GRM7: variants seen among roughly 807,000 people sequenced by gnomAD.
GRM7 encodes the protein metabotropic glutamate receptor 7.
GRM7 carries 35 observed loss-of-function variants against 84.5 expected under a neutral mutation model. That is an observed-to-expected ratio of 0.41 (90% CI 0.32 to 0.55). The LOEUF (loss-of-function observed/expected upper bound fraction) is 0.55. Ranked by LOEUF, GRM7 falls within the 20% of genes least tolerant of loss-of-function variation. The pLI, the probability that GRM7 is intolerant of heterozygous loss-of-function variation, is 0.19. For missense variants in GRM7, 1,003 were observed against 1,194.6 expected, an observed-to-expected ratio of 0.84 and a Z score of 2.36; for synonymous variants, 487 against 455.1, an observed-to-expected ratio of 1.07 and a Z score of -0.89.
chr3:7,049,450 A>G (rs975339121), intron 1 of GRM7, among the ~76,000 whole-genome samples: 1 of 151,900 alleles, frequency 6.6e-6, no homozygotes, highest in African/African-American at 2.4e-5. Flanking sequence ...GAGCAGTATA[A>G]TGGAGCCTAC....
At chr3:6,900,165 TA>T (rs1696333208) in intron 1 of GRM7, among the ~76,000 whole-genome samples, 1 of 152,138 alleles carries the variant, frequency 6.6e-6, no homozygotes, top group Non-Finnish European at 1.5e-5. Flanking sequence ...TCCTCAAAAG[TA>T]AAAGATCAAA....
Position 7,693,530 on chromosome 3 carries a change from C to T in GRM7, c.2698+13235C>T. ...ACATTTTTGTTCTTGGACCTTAATTCCTCTTTCCCTCATTTTTGTCATGTT... is the reference window on the plus strand; with the variant it reads ...ACATTTTTGTTCTTGGACCTTAATTTCTCTTTCCCTCATTTTTGTCATGTT... On this transcript the variant is annotated intron_variant, in intron 9 of 9. Coordinates refer to ENST00000357716, the MANE Select transcript of GRM7 (RefSeq NM_000844.4). 6 of 736,404 alleles carry T rather than the reference C, an allele frequency of 8.1e-6. No individual in the cohort carries two copies. The South Asian group carries it at 9.0e-5, about 11-fold the overall frequency. 45.6% of individuals were successfully genotyped at this position (736,404 alleles called of 1,614,324 possible). A position where few individuals can be genotyped will look rare whatever the true frequency, so the allele number is the denominator to read the frequency against.
chr3:7,595,644 G>C (rs1421721828), intron 8 of GRM7, among the ~76,000 whole-genome samples: 1 of 152,048 alleles, frequency 6.6e-6, no homozygotes, highest in Non-Finnish European at 1.5e-5. Flanking sequence ...CTTGGAGGTG[G>C]GAGTATTCTT....
chr3:6,985,808 G>A (rs1185768121), intron 1 of GRM7, among the ~76,000 whole-genome samples: 1 of 152,176 alleles, frequency 6.6e-6, no homozygotes, highest in Non-Finnish European at 1.5e-5. Context: ...TGACTGTAAA[G>A]GGGGTAAACT....
At chr3:7,555,396 C>G (rs183440789) in intron 7 of GRM7, among the ~76,000 whole-genome samples, 1,536 of 152,246 alleles carry the variant, frequency 0.01, 13 homozygotes, top group Middle Eastern at 0.017. Context: ...AATCTCTTCC[C>G]CTAACTTTCT....
At chr3:7,491,807 G>T (rs1358163540) in intron 7 of GRM7, among the ~76,000 whole-genome samples, 1 of 152,162 alleles carries the variant, frequency 6.6e-6, no homozygotes, top group Non-Finnish European at 1.5e-5. Flanking sequence ...ACTGGATATG[G>T]TTCTTAGTAC....
At chr3:7,626,106 C>A (rs542124094) in intron 8 of GRM7, among the ~76,000 whole-genome samples, 1 of 152,198 alleles carries the variant, frequency 6.6e-6, no homozygotes, top group South Asian at 2.1e-4. Context: ...GGAGGCCAGA[C>A]TGCAAAAGGT....
At chr3:7,205,765 T>C (rs1696216980) in intron 2 of GRM7, among the ~76,000 whole-genome samples, 1 of 152,196 alleles carries the variant, frequency 6.6e-6, no homozygotes, top group Non-Finnish European at 1.5e-5. Flanking sequence ...TACGTGTGGC[T>C]GATAAACTGG....
At chr3:7,369,335 A>G (rs1694039395) in intron 4 of GRM7, among the ~76,000 whole-genome samples, 1 of 152,064 alleles carries the variant, frequency 6.6e-6, no homozygotes, top group South Asian at 2.1e-4. Flanking sequence ...CGTGTCTTCC[A>G]TATCTAGGCA....
chr3:7,543,534 T>C (rs367764357), intron 7 of GRM7, among the ~76,000 whole-genome samples: 1 of 152,212 alleles, frequency 6.6e-6, no homozygotes, highest in East Asian at 1.9e-4. Flanking sequence ...CTAATTGCTT[T>C]GGCAGCAATT....
chr3:6,964,830 A>G (rs1693451338), intron 1 of GRM7, among the ~76,000 whole-genome samples: 1 of 152,184 alleles, frequency 6.6e-6, no homozygotes, highest in African/African-American at 2.4e-5. Flanking sequence ...TTGGTATCTG[A>G]CAGCAATGCC....
intron 1 of GRM7, among the ~76,000 whole-genome samples, chr3:6,889,215 C>T (rs1171003326): frequency 1.3e-5 from 2 of 152,038 alleles, no homozygotes; most frequent in Admixed American, 1.3e-4. Flanking sequence ...TAATTGAATG[C>T]CCTTTATTTC....
At chr3:7,281,022 C>T (rs1699235996) in intron 2 of GRM7, among the ~76,000 whole-genome samples, 2 of 152,250 alleles carry the variant, frequency 1.3e-5, no homozygotes, top group Middle Eastern at 3.4e-3. Context: ...AGTGTCTGTT[C>T]TTTCGTGCTG....
intron 1 of GRM7, among the ~76,000 whole-genome samples, chr3:7,099,302 A>G (rs182071874): frequency 6.8e-6 from 1 of 147,172 alleles, no homozygotes; most frequent in East Asian, 2.0e-4. Flanking sequence ...GTATATATGT[A>G]CACATGTATT....
chr3:7,082,773 C>T (rs1698314574), intron 1 of GRM7, among the ~76,000 whole-genome samples: 1 of 152,090 alleles, frequency 6.6e-6, no homozygotes, highest in Non-Finnish European at 1.5e-5. Flanking sequence ...TTCCAACCCT[C>T]ATGGATGACT....
chr3:6,927,459 G>C (rs866731554), intron 1 of GRM7, among the ~76,000 whole-genome samples: 1 of 46,364 alleles, frequency 2.2e-5, no homozygotes, highest in African/African-American at 9.5e-5. Flanking sequence ...GAAAGAAAGA[G>C]AGAGAGAAAG....
chr3:7,054,336 A>G (rs929986950), intron 1 of GRM7, among the ~76,000 whole-genome samples: 15 of 147,688 alleles, frequency 1.0e-4, no homozygotes, highest in Admixed American at 2.0e-4. Context: ...GACATCTAAT[A>G]TATGATGATA....
chr3:7,340,937 C>A (rs1382495736), intron 4 of GRM7, among the ~76,000 whole-genome samples: 3 of 152,066 alleles, frequency 2.0e-5, no homozygotes, highest in African/African-American at 7.2e-5. Flanking sequence ...TTATTGCTTC[C>A]CCTGCTTGTA....
chr3:7,329,702 T>C (rs1246182081), intron 4 of GRM7, among the ~76,000 whole-genome samples: 1 of 152,224 alleles, frequency 6.6e-6, no homozygotes, highest in Non-Finnish European at 1.5e-5. Context: ...ATCTATGATT[T>C]CATGGCTGTT....
Sources: gnomAD v4.1 joint callset for allele counts (sites outside exome capture counted in the v4.1 genomes callset) on GRCh38, gnomAD v4.1.1 for gene constraint, MANE v1.5 for transcripts, NCBI Gene and HGNC (gene_info 2026-07-23, HGNC 2026-07-21) for gene names.